Variants in NLGN1 observed in about 807,000 individuals in gnomAD.
NLGN1 encodes the protein neuroligin-1.
A neutral mutation model predicts 65.5 loss-of-function variants in NLGN1; 12 were observed. That is an observed-to-expected ratio of 0.18 (90% CI 0.12 to 0.30). NLGN1 has a LOEUF of 0.30. NLGN1 is among the 10% of genes least tolerant of loss of function. The pLI is 1.00. For synonymous variants in NLGN1, 350 were observed against 359.5 expected (o/e 0.97, Z 0.30); for missense variants, 750 against 1,007.1 (o/e 0.74, Z 3.46).
At chr3:173,724,709 T>C (rs924610352) in intron 3 of NLGN1, among the ~76,000 whole-genome samples, 10 of 152,218 alleles carry the variant, frequency 6.6e-5, no homozygotes, top group African/African-American at 2.4e-4. Context: ...TTATAAATCA[T>C]GCTACTATAA....
intron 4 of NLGN1, among the ~76,000 whole-genome samples, chr3:174,079,926 A>G (rs1741792590): frequency 1.3e-5 from 2 of 152,144 alleles, no homozygotes; most frequent in African/African-American, 2.4e-5. Flanking sequence ...AGGAAAAATA[A>G]CTAATGGGTA....
intron 4 of NLGN1, among the ~76,000 whole-genome samples, chr3:174,242,501 G>A (rs1466652536): frequency 6.6e-6 from 1 of 152,108 alleles, no homozygotes; most frequent in Non-Finnish European, 1.5e-5. Context: ...ATTACTGCCT[G>A]CGCTCCATCT....
intron 4 of NLGN1, among the ~76,000 whole-genome samples, chr3:174,015,908 A>G (rs13063349): frequency 0.33 from 49,689 of 152,042 alleles, 9,763 homozygotes; most frequent in Non-Finnish European, 0.44. Context: ...TTTAGAAAAG[A>G]GTAAAATAAA....
intron 4 of NLGN1, among the ~76,000 whole-genome samples, chr3:174,129,354 AACACAC>A (rs61122760): frequency 0.049 from 5,676 of 116,738 alleles, 197 homozygotes; most frequent in African/African-American, 0.1. Context: ...CCCGGTTTAC[AACACAC>A]ACACACACAC....
intron 4 of NLGN1, among the ~76,000 whole-genome samples, chr3:174,253,665 T>A (rs1745162992): frequency 6.6e-6 from 1 of 152,146 alleles, no homozygotes; most frequent in South Asian, 2.1e-4. Context: ...GAAAGATTTA[T>A]TTTCAATTAC....
chr3:173,430,210 C>A (rs1716928380), intron 1 of NLGN1, among the ~76,000 whole-genome samples: 1 of 152,082 alleles, frequency 6.6e-6, no homozygotes, highest in South Asian at 2.1e-4. Context: ...GTTTCTCTTA[C>A]CTCTTGCTTG....
chr3:174,029,772 C>T (rs544653879), intron 4 of NLGN1, among the ~76,000 whole-genome samples: 2 of 152,232 alleles, frequency 1.3e-5, no homozygotes, highest in South Asian at 4.1e-4. Flanking sequence ...ATGCTGTTCT[C>T]ATAGTAGTGA....
At chr3:173,775,201 A>G (rs1283731875) in intron 3 of NLGN1, among the ~76,000 whole-genome samples, 1 of 152,196 alleles carries the variant, frequency 6.6e-6, no homozygotes, top group East Asian at 1.9e-4. Context: ...TCTAATAATT[A>G]AAAGGTAAAA....
chr3:173,841,761 G>C (rs1077344), intron 4 of NLGN1, among the ~76,000 whole-genome samples: 94,863 of 151,938 alleles, frequency 0.62, 31,023 homozygotes, highest in Non-Finnish European at 0.73. Context: ...ATAAGAAATA[G>C]CACAGGAGAG....
intron 1 of NLGN1, among the ~76,000 whole-genome samples, chr3:173,422,224 A>G (rs1403592967): frequency 1.3e-5 from 2 of 152,222 alleles, no homozygotes; most frequent in Admixed American, 6.5e-5. Flanking sequence ...ATGCAGCAAC[A>G]TGAATGAACT....
intron 4 of NLGN1, among the ~76,000 whole-genome samples, chr3:173,897,843 A>G (rs1236705307): frequency 1.3e-5 from 2 of 152,198 alleles, no homozygotes; most frequent in Non-Finnish European, 2.9e-5. Context: ...TTACAAATCA[A>G]TACTAATAGA....
At chr3:173,438,771 G>A (rs970658169) in intron 2 of NLGN1, among the ~76,000 whole-genome samples, 3 of 152,096 alleles carry the variant, frequency 2.0e-5, no homozygotes, top group African/African-American at 4.8e-5. Flanking sequence ...TAAAGATACA[G>A]TTGCCTTCAG....
intron 4 of NLGN1, among the ~76,000 whole-genome samples, chr3:174,147,419 C>CTTTTTTTTTTTTTTTTTTTT (rs574298501): frequency 2.8e-5 from 1 of 36,260 alleles, no homozygotes; most frequent in African/African-American, 9.0e-5. Flanking sequence ...TGGCTCATGG[C>CTTTTTTTTTTTTTTTTTTTT]TTTTTTTTTT....
chr3:173,618,372 T>C (rs1753464052), intron 3 of NLGN1, among the ~76,000 whole-genome samples: 2 of 152,042 alleles, frequency 1.3e-5, no homozygotes, highest in South Asian at 4.2e-4. Flanking sequence ...ATTTTTAAAT[T>C]GTTTTGTAGA....
chr3:173,879,777 A>G (rs1732873334), intron 4 of NLGN1, among the ~76,000 whole-genome samples: 2 of 152,040 alleles, frequency 1.3e-5, no homozygotes, highest in South Asian at 2.1e-4. Flanking sequence ...TTTTTGTTCA[A>G]TGTCTTCAGA....
At chr3:173,809,084 A>T (rs1717319061) in intron 4 of NLGN1, among the ~76,000 whole-genome samples, 1 of 129,894 alleles carries the variant, frequency 7.7e-6, no homozygotes, top group Non-Finnish European at 1.7e-5. Flanking sequence ...AGTGTGGTGA[A>T]TGACCATAGA....
intron 4 of NLGN1, among the ~76,000 whole-genome samples, chr3:174,185,877 C>T (rs5006278): frequency 0.98 from 149,207 of 151,892 alleles, 73,298 homozygotes; most frequent in East Asian, 1. Flanking sequence ...TTATGTTTTG[C>T]ACTAACTTTT....
At chr3:173,651,576 G>A (rs999040134) in intron 3 of NLGN1, among the ~76,000 whole-genome samples, 6 of 151,906 alleles carry the variant, frequency 3.9e-5, no homozygotes, top group East Asian at 1.9e-4. Flanking sequence ...TACATTCCCC[G>A]TAGCAGTGTA....
At chr3:174,189,325 T>C (rs1731965654) in intron 4 of NLGN1, among the ~76,000 whole-genome samples, 1 of 152,022 alleles carries the variant, frequency 6.6e-6, no homozygotes, top group Non-Finnish European at 1.5e-5. Context: ...AGAAGAATTA[T>C]GGAAGAAGGT....
Sources: gnomAD v4.1 joint callset for allele counts (sites outside exome capture counted in the v4.1 genomes callset) on GRCh38, gnomAD v4.1.1 for gene constraint, MANE v1.5 for transcripts, NCBI Gene and HGNC (gene_info 2026-07-23, HGNC 2026-07-21) for gene names.